Variants in THAP4 observed in about 807,000 individuals in gnomAD.
THAP4 encodes THAP domain containing 4.
Under a neutral mutation model 48.1 loss-of-function variants are expected in THAP4, and 18 were observed. The ratio of observed to expected loss-of-function variants is 0.37; its 90% CI spans 0.26 to 0.56. The LOEUF is 0.56. Among genes scored for constraint, THAP4 ranks in the 20% least tolerant of loss-of-function variants. The probability of loss-of-function intolerance (pLI) is 0.78; values close to 1 mark genes in which losing one functional copy is unlikely to be tolerated. For missense variants in THAP4, 656 were observed against 774.9 expected (o/e 0.85, Z 1.82); for synonymous variants, 345 against 324.9 (o/e 1.06, Z -0.66).
At chr2:241,635,566 G>T (rs781179712) in intron 1 of THAP4, among the ~76,000 whole-genome samples, 1 of 152,006 alleles carries the variant, frequency 6.6e-6, no homozygotes, top group Non-Finnish European at 1.5e-5. Context: ...GCCAGAGTTC[G>T]AGACCAGCCT....
chr2:241,592,773 AC>A (rs1214814805), intron 5 of THAP4, among the ~76,000 whole-genome samples: 3 of 152,234 alleles, frequency 2.0e-5, no homozygotes, highest in Non-Finnish European at 4.4e-5. Flanking sequence ...ACCGTGTCTG[AC>A]GCTATGGCCG....
In THAP4 at chr2:241,610,953, G is replaced by A. The variant is rs1237113850; in HGVS notation, c.1241-4480C>T. ...TTAAAACCAGCTTCTGGGGGTCTCC[G>A]AGGGGGACTCTCAGGTAAGTAACAA... On this transcript the variant is annotated intron_variant, in intron 2 of 5. Coordinates refer to ENST00000407315, the MANE Select transcript of THAP4 (RefSeq NM_015963.6). This position sits in a 1 kb window ranked among gnomAD's most constrained non-coding sequence, Gnocchi z 4.2. Among the ~76,000 whole-genome samples the A allele has an allele frequency of 6.6e-6, 1 of 152,070 alleles. No individual in the cohort carries two copies. The highest frequency in any genetic ancestry group is 2.1e-4 in the South Asian group (1 of 4,818).
At chr2:241,592,989 C>T (rs543953963) in intron 5 of THAP4, among the ~76,000 whole-genome samples, 39 of 152,276 alleles carry the variant, frequency 2.6e-4, no homozygotes, top group African/African-American at 8.7e-4. Flanking sequence ...ACACCTATAA[C>T]CACAGCACTT....
intron 5 of THAP4, among the ~76,000 whole-genome samples, chr2:241,589,002 G>A (rs1216962389): frequency 6.6e-6 from 1 of 152,064 alleles, no homozygotes; most frequent in Non-Finnish European, 1.5e-5. Flanking sequence ...ATCACCTGAC[G>A]TCAGGTCGAG....
chr2:241,598,622 T>C (rs758171051), intron 5 of THAP4, among the ~76,000 whole-genome samples: 5 of 152,084 alleles, frequency 3.3e-5, no homozygotes, highest in Admixed American at 6.6e-5. Flanking sequence ...AGATCCCTCA[T>C]ATGCACAATT....
chr2:241,636,247 C>T (rs1173353616), intron 1 of THAP4, among the ~76,000 whole-genome samples: 1 of 152,240 alleles, frequency 6.6e-6, no homozygotes, highest in Non-Finnish European at 1.5e-5. Context: ...TAACACCATG[C>T]AACATAAAAC....
At chr2:241,609,348 G>A (rs755428838) in intron 2 of THAP4, among the ~76,000 whole-genome samples, 7 of 152,240 alleles carry the variant, frequency 4.6e-5, no homozygotes, top group Non-Finnish European at 8.8e-5. Flanking sequence ...ACCTTGGGAG[G>A]TGTGAAACAG....
chr2:241,611,955 T>C (rs78065183), intron 2 of THAP4, among the ~76,000 whole-genome samples: 22,364 of 151,724 alleles, frequency 0.15, 1,863 homozygotes, highest in South Asian at 0.37. Context: ...CAGGCTGGAG[T>C]GCAGTGGCAT....
intron 5 of THAP4, among the ~76,000 whole-genome samples, chr2:241,589,207 T>G (rs1258572129): frequency 7.4e-6 from 1 of 134,866 alleles, no homozygotes; most frequent in African/African-American, 2.8e-5. Flanking sequence ...GAGCAAACAA[T>G]GTCTCAAAAA....
chr2:241,589,942 C>T (rs2066937019), intron 5 of THAP4, among the ~76,000 whole-genome samples: 2 of 151,698 alleles, frequency 1.3e-5, no homozygotes, highest in African/African-American at 4.8e-5. Context: ...TGCTGTGACT[C>T]CACTGATGAT....
intron 2 of THAP4, among the ~76,000 whole-genome samples, chr2:241,631,432 A>G (rs1435536698): frequency 1.3e-5 from 2 of 152,198 alleles, no homozygotes; most frequent in African/African-American, 4.8e-5. Flanking sequence ...TATGGGAAAA[A>G]ACAGAAATAG....
chr2:241,613,621 G>A (rs1163092798), intron 2 of THAP4, among the ~76,000 whole-genome samples: 1 of 152,048 alleles, frequency 6.6e-6, no homozygotes, highest in African/African-American at 2.4e-5. Flanking sequence ...TGGGCGTGGT[G>A]GCACGTGCCT....
chr2:241,631,889 ATTTC>A (rs1289104399), intron 2 of THAP4, among the ~76,000 whole-genome samples: 10 of 149,526 alleles, frequency 6.7e-5, no homozygotes, highest in Admixed American at 1.3e-4. Flanking sequence ...AATGTATTGT[ATTTC>A]TTTTTTTTTT....
At chr2:241,584,764 C>A in intron 5 of THAP4, 39 bp from the exon 6 acceptor site, 2 of 1,613,678 alleles carry the variant, frequency 1.2e-6, no homozygotes, top group Non-Finnish European at 1.7e-6. Context: ...TTAGTTTTAT[C>A]TTCAAAAGAT....
intron 5 of THAP4, among the ~76,000 whole-genome samples, chr2:241,586,799 A>G (rs2066901310): frequency 6.6e-6 from 1 of 152,268 alleles, no homozygotes; most frequent in African/African-American, 2.4e-5. Context: ...AAATATCCAC[A>G]TTGAAGCTTA....
chr2:241,585,017 A>G (rs994010081), intron 5 of THAP4: 3 of 357,272 alleles, frequency 8.4e-6, no homozygotes, highest in African/African-American at 4.2e-5. Context: ...TGACCTCGGA[A>G]GCTAAGGAGG....
At chr2:241,593,563 C>T (rs1027487751) in intron 5 of THAP4, among the ~76,000 whole-genome samples, 2 of 145,738 alleles carry the variant, frequency 1.4e-5, no homozygotes, top group African/African-American at 5.3e-5. Flanking sequence ...GACAGGCGAA[C>T]AGCCTGCCTT....
At chr2:241,620,685 T>A (rs1575034818) in intron 2 of THAP4, among the ~76,000 whole-genome samples, 1 of 151,498 alleles carries the variant, frequency 6.6e-6, no homozygotes, top group Non-Finnish European at 1.5e-5. Context: ...ACTGCGGCGG[T>A]GAGTGAATGC....
chr2:241,626,880 C>T (rs139055648), intron 2 of THAP4, among the ~76,000 whole-genome samples: 37 of 152,290 alleles, frequency 2.4e-4, no homozygotes, highest in African/African-American at 8.4e-4. Context: ...GATTTTTGAA[C>T]AACTTTATAT....
Sources: allele counts gnomAD v4.1 joint callset (sites outside exome capture counted in the v4.1 genomes callset), GRCh38; gene constraint gnomAD v4.1.1; non-coding constraint Gnocchi (gnomAD v3.1); transcripts MANE v1.5; gene names NCBI Gene and HGNC (gene_info 2026-07-23, HGNC 2026-07-21).